Variants in ENTREP2 observed in about 807,000 individuals in gnomAD.
ENTREP2 encodes endosomal transmembrane epsin interactor 2.
the ENTREP2 span, among the ~76,000 whole-genome samples, chr15:29,318,103 A>G: frequency 6.6e-6 from 1 of 152,170 alleles, no homozygotes; most frequent in African/African-American, 2.4e-5. Flanking sequence ...CCAGCAACAA[A>G]CTTGAAGGAG....
chr15:29,534,303 G>A, the ENTREP2 span, among the ~76,000 whole-genome samples: 8 of 152,054 alleles, frequency 5.3e-5, no homozygotes, highest in Admixed American at 1.3e-4. Flanking sequence ...AAAGGGTTCC[G>A]TGGAGATATT....
chr15:29,580,566 C>T, the ENTREP2 span, among the ~76,000 whole-genome samples: 8 of 152,108 alleles, frequency 5.3e-5, no homozygotes, highest in Non-Finnish European at 1.2e-4. Context: ...GAAAGTTAGG[C>T]CTACAGGGTC....
chr15:29,190,534 T>C, the ENTREP2 span, among the ~76,000 whole-genome samples: 1 of 152,124 alleles, frequency 6.6e-6, no homozygotes, highest in African/African-American at 2.4e-5. Context: ...AGAAAGTTGG[T>C]TTCTGCTTTT....
the ENTREP2 span, among the ~76,000 whole-genome samples, chr15:29,436,141 C>A: frequency 3.9e-5 from 6 of 152,188 alleles, no homozygotes; most frequent in African/African-American, 2.4e-5. Flanking sequence ...TGTCGGAGAT[C>A]TTGCCATTTG....
At chr15:29,588,991 G>GT in the ENTREP2 span, among the ~76,000 whole-genome samples, 1 of 107,640 alleles carries the variant, frequency 9.3e-6, no homozygotes. Context: ...CCTTGTCTCA[G>GT]AAAAAAAAAA....
the ENTREP2 span, among the ~76,000 whole-genome samples, chr15:29,447,152 A>G: frequency 6.6e-6 from 1 of 152,360 alleles, no homozygotes; most frequent in South Asian, 2.1e-4. Flanking sequence ...CACAAATCAA[A>G]TAATTTTTAA....
chr15:29,145,391 G>A, the ENTREP2 span, among the ~76,000 whole-genome samples: 2 of 152,038 alleles, frequency 1.3e-5, no homozygotes, highest in African/African-American at 2.4e-5. Context: ...GGGAGGCCGA[G>A]GTGGGCAGAT....
At chr15:29,536,361 A>G in the ENTREP2 span, among the ~76,000 whole-genome samples, 2 of 152,158 alleles carry the variant, frequency 1.3e-5, 1 homozygote, top group South Asian at 4.1e-4. Flanking sequence ...TGGAAAACAC[A>G]TGGGTACTTG....
the ENTREP2 span, among the ~76,000 whole-genome samples, chr15:29,457,156 G>C: frequency 6.6e-6 from 1 of 152,218 alleles, no homozygotes; most frequent in Non-Finnish European, 1.5e-5. Flanking sequence ...CCAAAGGAAA[G>C]GAAGCACAGA....
the ENTREP2 span, among the ~76,000 whole-genome samples, chr15:29,255,980 G>A: frequency 1.4e-5 from 2 of 138,742 alleles, no homozygotes; most frequent in Admixed American, 1.5e-4. Context: ...CAGCCTGAGC[G>A]ACAGAGCGAG....
the ENTREP2 span, among the ~76,000 whole-genome samples, chr15:29,289,854 T>A: frequency 6.6e-6 from 1 of 152,046 alleles, no homozygotes; most frequent in South Asian, 2.1e-4. Flanking sequence ...TCAAAAAATA[T>A]ATATATACAT....
At chr15:29,663,353 C>G in the ENTREP2 span, among the ~76,000 whole-genome samples, 1 of 151,978 alleles carries the variant, frequency 6.6e-6, no homozygotes, top group Non-Finnish European at 1.5e-5. Context: ...AACCCCATCT[C>G]TACTAAAAAT....
At chr15:29,481,010 A>G in the ENTREP2 span, among the ~76,000 whole-genome samples, 1 of 152,216 alleles carries the variant, frequency 6.6e-6, no homozygotes, top group Non-Finnish European at 1.5e-5. Flanking sequence ...ATACCCCAGC[A>G]TGGGAGAACA....
At chr15:29,145,860 G>A in the ENTREP2 span, among the ~76,000 whole-genome samples, 2 of 152,228 alleles carry the variant, frequency 1.3e-5, no homozygotes, top group East Asian at 1.9e-4. Flanking sequence ...GACATCCAGA[G>A]TGAAGTAAAC....
the ENTREP2 span, among the ~76,000 whole-genome samples, chr15:29,447,385 C>G: frequency 6.6e-6 from 1 of 152,216 alleles, no homozygotes; most frequent in Admixed American, 6.5e-5. Flanking sequence ...CTGCATAGCA[C>G]AGTCTTCGCC....
At chr15:29,480,816 G>A in the ENTREP2 span, among the ~76,000 whole-genome samples, 1 of 152,170 alleles carries the variant, frequency 6.6e-6, no homozygotes, top group Non-Finnish European at 1.5e-5. Context: ...AAACCTCACG[G>A]CTGCAGTTGG....
the ENTREP2 span, among the ~76,000 whole-genome samples, chr15:29,207,391 T>C: frequency 6.9e-6 from 1 of 144,348 alleles, no homozygotes; most frequent in Non-Finnish European, 1.5e-5. Flanking sequence ...CAAAGTTTAT[T>C]ACGAAGAGCA....
the ENTREP2 span, among the ~76,000 whole-genome samples, chr15:29,301,572 A>T: frequency 7.9e-5 from 12 of 152,182 alleles, no homozygotes; most frequent in African/African-American, 2.9e-4. Context: ...GTGTCTCCAG[A>T]TACTACCTTT....
the ENTREP2 span, among the ~76,000 whole-genome samples, chr15:29,351,613 T>C: frequency 5.9e-5 from 9 of 152,304 alleles, no homozygotes; most frequent in African/African-American, 2.2e-4. Flanking sequence ...ACATGCTAGG[T>C]AATGTTCTAA....
Sources: allele counts gnomAD v4.1 joint callset (sites outside exome capture counted in the v4.1 genomes callset), GRCh38; gene constraint gnomAD v4.1.1; transcripts MANE v1.5; gene names NCBI Gene and HGNC (gene_info 2026-07-23, HGNC 2026-07-21).